KCND2: variants seen among roughly 807,000 people sequenced by gnomAD.
The protein encoded by KCND2 is A-type voltage-gated potassium channel KCND2.
A neutral mutation model predicts 54.4 loss-of-function variants in KCND2; 16 were observed. The observed-to-expected ratio is 0.29, with a 90% CI of 0.20 to 0.45. The LOEUF (loss-of-function observed/expected upper bound fraction) is 0.45. Among genes scored for constraint, KCND2 ranks in the 20% least tolerant of loss-of-function variants. The probability of loss-of-function intolerance (pLI) is 1.00; values close to 1 mark genes in which losing one functional copy is unlikely to be tolerated. For missense variants in KCND2, 486 were observed against 824.2 expected (o/e 0.59, Z 5.02); for synonymous variants, 317 against 310.7 (o/e 1.02, Z -0.21).
chr7:120,496,582 G>A (rs942448255), intron 1 of KCND2, among the ~76,000 whole-genome samples: 2 of 134,476 alleles, frequency 1.5e-5, no homozygotes, highest in Admixed American at 7.3e-5. Context: ...CCACCACCAC[G>A]CCTGGCTGCT....
chr7:120,665,824 T>C (rs1357060230), intron 1 of KCND2, among the ~76,000 whole-genome samples: 4 of 152,072 alleles, frequency 2.6e-5, no homozygotes, highest in Non-Finnish European at 5.9e-5. Context: ...ATTATTCAAG[T>C]AACAAATAGG....
chr7:120,422,041 A>G (rs1306009073), intron 1 of KCND2, among the ~76,000 whole-genome samples: 1 of 152,206 alleles, frequency 6.6e-6, no homozygotes, highest in Non-Finnish European at 1.5e-5. Flanking sequence ...TAGGAAAATC[A>G]TTAAGTTTAT....
At chr7:120,586,714 TTTC>T (rs540694110) in intron 1 of KCND2, among the ~76,000 whole-genome samples, 22 of 152,304 alleles carry the variant, frequency 1.4e-4, no homozygotes, top group East Asian at 7.7e-4. Context: ...AGAGGATTTT[TTTC>T]TTCTTCTTCT....
intron 2 of KCND2, 114 bp downstream of exon 2, chr7:120,733,179 C>A: frequency 4.0e-6 from 4 of 995,758 alleles, no homozygotes; most frequent in Non-Finnish European, 6.3e-6. Flanking sequence ...TTGCATCAAT[C>A]AGGACCGAGT....
At chr7:120,551,280 A>G (rs1792102135) in intron 1 of KCND2, among the ~76,000 whole-genome samples, 1 of 152,208 alleles carries the variant, frequency 6.6e-6, no homozygotes, top group South Asian at 2.1e-4. Context: ...ATTTCTTTCT[A>G]TTAAAAGTAG....
intron 1 of KCND2, among the ~76,000 whole-genome samples, chr7:120,390,588 A>G (rs556986401): frequency 3.9e-5 from 6 of 152,136 alleles, no homozygotes; most frequent in South Asian, 4.1e-4. Context: ...TATGCTATAT[A>G]CTTCTCCCAT....
At chr7:120,583,271 ATTC>A (rs1792543268) in intron 1 of KCND2, among the ~76,000 whole-genome samples, 1 of 152,114 alleles carries the variant, frequency 6.6e-6, no homozygotes, top group Non-Finnish European at 1.5e-5. Flanking sequence ...AGTTTTGCTA[ATTC>A]TTCTTGATGA....
intron 3 of KCND2, 72 bp from the exon 4 acceptor site, chr7:120,742,438 G>A: frequency 8.3e-7 from 1 of 1,208,250 alleles, no homozygotes; most frequent in Admixed American, 1.7e-5. Flanking sequence ...TCTCTCTGTG[G>A]AAATATGTAG....
At chr7:120,730,757 A>G (rs1792796419) in intron 1 of KCND2, among the ~76,000 whole-genome samples, 1 of 152,158 alleles carries the variant, frequency 6.6e-6, no homozygotes, top group African/African-American at 2.4e-5. Context: ...ATGTGGCACT[A>G]GATAGTATCA....
intron 1 of KCND2, among the ~76,000 whole-genome samples, chr7:120,441,651 G>T (rs76072983): frequency 0.027 from 4,062 of 152,196 alleles, 85 homozygotes; most frequent in Non-Finnish European, 0.045. Flanking sequence ...GTAACATGCA[G>T]TTAACCTGTA....
intron 1 of KCND2, among the ~76,000 whole-genome samples, chr7:120,345,598 A>T (rs1197260872): frequency 2.0e-5 from 3 of 152,112 alleles, no homozygotes; most frequent in Non-Finnish European, 2.9e-5. Context: ...TGTTTCTATG[A>T]ATTTGACTAG....
At chr7:120,726,752 A>C (rs1792738434) in intron 1 of KCND2, among the ~76,000 whole-genome samples, 1 of 152,238 alleles carries the variant, frequency 6.6e-6, no homozygotes, top group Admixed American at 6.5e-5. Context: ...GTTGAAATGC[A>C]GCATTTTTTT....
chr7:120,615,926 G>C (rs1793018056), intron 1 of KCND2, among the ~76,000 whole-genome samples: 2 of 152,140 alleles, frequency 1.3e-5, no homozygotes, highest in South Asian at 2.1e-4. Flanking sequence ...CTTGTGTCTG[G>C]TTCTGCTTTT....
intron 1 of KCND2, among the ~76,000 whole-genome samples, chr7:120,643,503 T>G (rs1793402306): frequency 6.6e-6 from 1 of 152,118 alleles, no homozygotes. Context: ...CATTTAGTGT[T>G]TCATTTTGAA....
At chr7:120,281,225 A>AT in intron 1 of KCND2, among the ~76,000 whole-genome samples, 1 of 152,142 alleles carries the variant, frequency 6.6e-6, no homozygotes. Context: ...AAGGAAGTAT[A>AT]TTTTTTCCTT....
At chr7:120,415,651 A>G (rs1165093664) in intron 1 of KCND2, among the ~76,000 whole-genome samples, 1 of 151,954 alleles carries the variant, frequency 6.6e-6, no homozygotes, top group Non-Finnish European at 1.5e-5. Flanking sequence ...TTTCCTTTTC[A>G]TTCTGTAGTC....
chr7:120,297,433 C>T (rs915496791), intron 1 of KCND2, among the ~76,000 whole-genome samples: 1 of 151,988 alleles, frequency 6.6e-6, no homozygotes, highest in African/African-American at 2.4e-5. Flanking sequence ...GTACCTATAC[C>T]ACATTTTCTG....
intron 1 of KCND2, among the ~76,000 whole-genome samples, chr7:120,610,308 T>C (rs577701927): frequency 1.1e-4 from 16 of 152,084 alleles, no homozygotes; most frequent in Admixed American, 2.0e-4. Context: ...TTAAGAAACA[T>C]TTTAAGTATA....
intron 1 of KCND2, among the ~76,000 whole-genome samples, chr7:120,375,755 G>A (rs112075804): frequency 8.1e-4 from 123 of 151,802 alleles, no homozygotes; most frequent in African/African-American, 2.7e-3. Context: ...ATCTATTTGC[G>A]TGGGTGTTGT....
Sources: gnomAD v4.1 joint callset for allele counts (sites outside exome capture counted in the v4.1 genomes callset) on GRCh38, gnomAD v4.1.1 for gene constraint, MANE v1.5 for transcripts, NCBI Gene and HGNC (gene_info 2026-07-23, HGNC 2026-07-21) for gene names.